Variants in SLC39A11 observed in about 807,000 individuals in gnomAD.
The protein encoded by SLC39A11 is solute carrier family 39 member 11, also known as zinc transporter ZIP11.
A neutral mutation model predicts 36.1 loss-of-function variants in SLC39A11; 33 were observed. The observed-to-expected ratio is 0.91, with a 90% CI of 0.69 to 1.22. The LOEUF is 1.22. SLC39A11 is among the 50% of genes most tolerant of loss of function. The pLI is 0.00. For missense variants in SLC39A11, 432 were observed against 430.3 expected (o/e 1.00, Z -0.03); for synonymous variants, 166 against 170.3 (o/e 0.97, Z 0.20).
At chr17:73,082,258 T>C (rs2060567458) in intron 3 of SLC39A11, among the ~76,000 whole-genome samples, 1 of 151,674 alleles carries the variant, frequency 6.6e-6, no homozygotes. Flanking sequence ...ATGATAACTA[T>C]TAGTGATAGG....
chr17:72,974,816 T>C (rs932302974), intron 4 of SLC39A11, among the ~76,000 whole-genome samples: 13 of 152,214 alleles, frequency 8.5e-5, no homozygotes, highest in African/African-American at 3.1e-4. Context: ...ATGAGTGCCC[T>C]AGACAGGTGT....
chr17:72,937,013 G>A (rs2084813953), intron 5 of SLC39A11, among the ~76,000 whole-genome samples: 1 of 152,202 alleles, frequency 6.6e-6, no homozygotes, highest in Non-Finnish European at 1.5e-5. Flanking sequence ...CCAGGGGTTG[G>A]GGACCCTTGC....
chr17:72,701,328 C>T (rs577213064), intron 7 of SLC39A11, among the ~76,000 whole-genome samples: 9 of 152,318 alleles, frequency 5.9e-5, no homozygotes, highest in African/African-American at 2.2e-4. Flanking sequence ...GGAGGGCACA[C>T]AAGGACGTGG....
At chr17:72,811,551 A>C (rs1427405433) in intron 6 of SLC39A11, among the ~76,000 whole-genome samples, 1 of 152,216 alleles carries the variant, frequency 6.6e-6, no homozygotes, top group Non-Finnish European at 1.5e-5. Context: ...AGTAACTGAG[A>C]TGCTGTATCT....
chr17:72,783,474 A>G (rs2076394769), intron 6 of SLC39A11, among the ~76,000 whole-genome samples: 1 of 152,202 alleles, frequency 6.6e-6, no homozygotes, highest in South Asian at 2.1e-4. Flanking sequence ...ACAGCAAATA[A>G]TGCAGGTTCA....
chr17:72,980,553 T>C (rs1253461502), intron 4 of SLC39A11, among the ~76,000 whole-genome samples: 1 of 152,172 alleles, frequency 6.6e-6, no homozygotes, highest in Non-Finnish European at 1.5e-5. Flanking sequence ...CGCAAGCTGA[T>C]GCTAAAGTTC....
intron 6 of SLC39A11, among the ~76,000 whole-genome samples, chr17:72,830,694 T>C (rs2078244866): frequency 6.6e-6 from 1 of 152,096 alleles, no homozygotes; most frequent in Non-Finnish European, 1.5e-5. Flanking sequence ...GGCAGAGCAA[T>C]TGGTCCCTCG....
intron 6 of SLC39A11, among the ~76,000 whole-genome samples, chr17:72,802,790 G>T (rs779919546): frequency 4.6e-5 from 7 of 151,980 alleles, no homozygotes; most frequent in Admixed American, 3.3e-4. Context: ...AGGTGCCCTC[G>T]AGGAAGCCAG....
chr17:73,019,259 T>C (rs1396826933), intron 4 of SLC39A11, among the ~76,000 whole-genome samples: 1 of 152,142 alleles, frequency 6.6e-6, no homozygotes, highest in Non-Finnish European at 1.5e-5. Flanking sequence ...TGAAAAGCAG[T>C]GAAAATGAAA....
chr17:73,014,612 G>A (rs73350912), intron 4 of SLC39A11, among the ~76,000 whole-genome samples: 15,319 of 152,218 alleles, frequency 0.1, 1,178 homozygotes, highest in African/African-American at 0.21. Context: ...AACTGTGATC[G>A]TGCCACTGCA....
intron 3 of SLC39A11, among the ~76,000 whole-genome samples, chr17:73,053,175 G>A (rs189435998): frequency 1.3e-5 from 2 of 151,982 alleles, no homozygotes; most frequent in African/African-American, 4.8e-5. Context: ...AACAGAGCGC[G>A]ACCCCATCTC....
chr17:72,818,466 G>A (rs2077658145), intron 6 of SLC39A11, among the ~76,000 whole-genome samples: 1 of 152,206 alleles, frequency 6.6e-6, no homozygotes, highest in African/African-American at 2.4e-5. Context: ...AGACTCGCAG[G>A]CTACCTCGCA....
At position 73,004,236 on chromosome 17, in the gene SLC39A11, G is replaced by GAAAA. The variant is rs1471817445; in HGVS notation, c.306+27319_306+27320insTTTT. Among the ~76,000 whole-genome samples, 14 of 143,412 alleles carry GAAAA rather than the reference G, an allele frequency of 9.8e-5. 1 individual carries two copies. Among genetic ancestry groups the GAAAA allele is most frequent in the African/African-American group, 3.3e-4 (13 of 39,434 alleles). The allele number at this position is 143,412 out of a possible 152,430, so 94.1% of individuals were successfully genotyped here. On this transcript the variant is annotated intron_variant, in intron 4 of 9. Transcript: ENST00000255559. ...GAAAGAAAGAAAGAAAGAAAGAAAA[G>GAAAA]AAAGAAAGAGAAAAAGCAAGCAAGC...
intron 4 of SLC39A11, among the ~76,000 whole-genome samples, chr17:72,955,298 C>CTTTTCTTTTTTT (rs2086166339): frequency 3.0e-5 from 2 of 65,580 alleles, no homozygotes; most frequent in African/African-American, 6.0e-5. Context: ...TTTCAGTTCT[C>CTTTTCTTTTTTT]TTTTTTTTTT....
chr17:72,827,636 T>C (rs1030358768), intron 6 of SLC39A11, among the ~76,000 whole-genome samples: 1 of 152,184 alleles, frequency 6.6e-6, no homozygotes, highest in Non-Finnish European at 1.5e-5. Flanking sequence ...CAGGGGTGCA[T>C]GGAAAACATG....
rs574568127 is a variant in SLC39A11, at chr17:72,698,886, A to T, written c.671+37764T>A. 8.5e-5 allele frequency among the ~76,000 whole-genome samples: 13 copies of T among 152,258 alleles called. 1 individual carries two copies. Among genetic ancestry groups the T allele is most frequent in the African/African-American group, 2.9e-4 (12 of 41,550 alleles). ...CGCTCTGTCGCCCAGGCTGGAGTGCAGTGGCGTGATCTCGGCTCACTGCAA... is the reference window on the plus strand; with the variant it reads ...CGCTCTGTCGCCCAGGCTGGAGTGCTGTGGCGTGATCTCGGCTCACTGCAA... On this transcript the variant is annotated intron_variant, in intron 7 of 9. Coordinates refer to ENST00000255559, the MANE Select transcript of SLC39A11 (RefSeq NM_139177.4).
intron 5 of SLC39A11, among the ~76,000 whole-genome samples, chr17:72,920,729 T>G (rs1459209424): frequency 3.1e-5 from 3 of 96,752 alleles, no homozygotes; most frequent in African/African-American, 1.2e-4. Context: ...CCACCCCCTC[T>G]ACAACTACAC....
intron 7 of SLC39A11, among the ~76,000 whole-genome samples, chr17:72,674,703 G>C (rs1263601091): frequency 6.6e-6 from 1 of 152,132 alleles, no homozygotes; most frequent in African/African-American, 2.4e-5. Flanking sequence ...TCATCACAGA[G>C]TATAATTTCA....
chr17:72,955,222 T>G (rs2086156616), intron 4 of SLC39A11, among the ~76,000 whole-genome samples: 9 of 151,398 alleles, frequency 5.9e-5, no homozygotes, highest in Admixed American at 5.9e-4. Context: ...CTAGATGTAC[T>G]CAACCTAGTA....
Sources: allele counts gnomAD v4.1 joint callset (sites outside exome capture counted in the v4.1 genomes callset), GRCh38; gene constraint gnomAD v4.1.1; transcripts MANE v1.5; gene names NCBI Gene and HGNC (gene_info 2026-07-23, HGNC 2026-07-21).